Variants in RNF24 observed in about 807,000 individuals in gnomAD.
RNF24 encodes ring finger protein 24.
RNF24 carries 14 observed loss-of-function variants against 20.0 expected under a neutral mutation model. The observed-to-expected ratio is 0.70, with a 90% CI of 0.46 to 1.10. The LOEUF is 1.10. Among genes scored for constraint, RNF24 ranks in the 50% least tolerant of loss-of-function variants. The probability of loss-of-function intolerance (pLI) is 0.00; values close to 1 mark genes in which losing one functional copy is unlikely to be tolerated. For missense variants in RNF24, 124 were observed against 177.6 expected (o/e 0.70, Z 1.71); for synonymous variants, 45 against 61.1 (o/e 0.74, Z 1.23).
intron 1 of RNF24, among the ~76,000 whole-genome samples, chr20:3,995,588 A>G (rs1441894650): frequency 1.3e-5 from 2 of 152,220 alleles, no homozygotes; most frequent in East Asian, 3.8e-4. Flanking sequence ...ATGAATCAGC[A>G]AAGTGTGCAG....
chr20:3,959,240 A>T (rs996677343), intron 2 of RNF24, among the ~76,000 whole-genome samples: 1 of 152,142 alleles, frequency 6.6e-6, no homozygotes, highest in Non-Finnish European at 1.5e-5. Flanking sequence ...TTCATTTTCT[A>T]TCTCTCGGAA....
intron 2 of RNF24, among the ~76,000 whole-genome samples, chr20:3,960,536 C>T (rs1013180639): frequency 2.6e-5 from 4 of 151,888 alleles, no homozygotes; most frequent in African/African-American, 9.7e-5. Flanking sequence ...GGCGTGGTGG[C>T]GTGCGCCTGT....
intron 1 of RNF24, among the ~76,000 whole-genome samples, chr20:4,011,887 T>C (rs1462264312): frequency 6.6e-6 from 1 of 152,122 alleles, no homozygotes; most frequent in Non-Finnish European, 1.5e-5. Context: ...CCACAGAGAA[T>C]ATCCAAAAGT....
chr20:3,931,778 G>A lies in RNF24; in HGVS notation c.*2285C>T, dbSNP rs6139246. The A allele has an allele frequency of 6.6e-6, 1 of 152,388 alleles. No homozygotes were observed. Among genetic ancestry groups the A allele is most frequent in the African/African-American group, 2.4e-5 (1 of 41,588 alleles). The allele number at this position is 152,388 out of a possible 1,614,324, so 9.4% of individuals were successfully genotyped here. On this transcript the variant is annotated 3_prime_UTR_variant, in exon 6 of 6. Transcript: ENST00000358395. ...CCTCATCTGGGCAAAGCAGACCCAA[G>A]GTGGTGCTGAGTGCAGAGTGCAGAG...
Position 3,976,158 on chromosome 20 carries a change from C to G in RNF24, c.-7-12134G>C, listed in dbSNP as rs1454306629. On this transcript the variant is annotated intron_variant, in intron 1 of 5. Transcript: ENST00000358395. ...ATAGATTTTCTGTTGTTTTAAGGCA[C>G]CCAGTTTATGGCACGTTGTTAAGGC... Among the ~76,000 whole-genome samples the G allele has an allele frequency of 2.6e-5, 4 of 152,108 alleles. No individual in the cohort carries two copies. In the South Asian group the frequency reaches 6.2e-4, roughly 24 times the overall value.
rs1981597994 is a variant in RNF24, at chr20:4,003,633, C to CATTT, written c.-8+11803_-8+11804insAAAT. Among the ~76,000 whole-genome samples the CATTT allele has an allele frequency of 3.6e-5, 3 of 84,426 alleles. 1 individual carries two copies. Among genetic ancestry groups the CATTT allele is most frequent in the Non-Finnish European group, 6.3e-5 (3 of 47,736 alleles). 55.4% of individuals were successfully genotyped at this position (84,426 alleles called of 152,430 possible). A position where few individuals can be genotyped will look rare whatever the true frequency, so the allele number is the denominator to read the frequency against. ...TTTTGAAGGCCCATGTTAGAAACTC[C>CATTT]TTTTTTTTTTTTTTTTTTTTTTTTT... On this transcript the variant is annotated intron_variant, in intron 1 of 5. Coordinates refer to ENST00000358395, the MANE Select transcript of RNF24 (RefSeq NM_001134337.3).
chr20:3,941,317 T>C (rs241623), intron 4 of RNF24, among the ~76,000 whole-genome samples: 67,697 of 151,996 alleles, frequency 0.45, 15,671 homozygotes, highest in African/African-American at 0.55. Flanking sequence ...AGACATATAA[T>C]GATGGGATTT....
chr20:3,973,983 A>T (rs1373759349), intron 1 of RNF24, among the ~76,000 whole-genome samples: 1 of 152,126 alleles, frequency 6.6e-6, no homozygotes, highest in Non-Finnish European at 1.5e-5. Flanking sequence ...AGCAAGTAGA[A>T]TTTGGCAATA....
intron 1 of RNF24, among the ~76,000 whole-genome samples, chr20:3,964,469 T>G (rs186076054): frequency 2.0e-5 from 3 of 152,292 alleles, no homozygotes; most frequent in African/African-American, 7.2e-5. Context: ...GAAATATGAT[T>G]AATTATATAG....
intron 1 of RNF24, among the ~76,000 whole-genome samples, chr20:3,973,575 C>T (rs939462760): frequency 6.8e-5 from 10 of 146,262 alleles, no homozygotes; most frequent in African/African-American, 2.5e-4. Context: ...GAGATCACTA[C>T]AGACACTGCA....
At chr20:3,952,841 G>T (rs1179644048) in intron 2 of RNF24, among the ~76,000 whole-genome samples, 1 of 152,178 alleles carries the variant, frequency 6.6e-6, no homozygotes, top group East Asian at 1.9e-4. Flanking sequence ...CTTTTCAAAT[G>T]TTAAAATAAC....
intron 1 of RNF24, among the ~76,000 whole-genome samples, chr20:3,985,833 G>A (rs1979847531): frequency 1.3e-5 from 2 of 151,874 alleles, no homozygotes; most frequent in South Asian, 4.1e-4. Context: ...CGCCTCCTGG[G>A]TTCAAGCGAA....
In RNF24 at chr20:3,964,038, A is replaced by C; in HGVS notation, c.-7-14T>G. On this transcript the variant is annotated splice_polypyrimidine_tract_variant and intron_variant, in intron 1 of 5. Coordinates refer to ENST00000358395, the MANE Select transcript of RNF24 (RefSeq NM_001134337.3). ...CTCATGGATGAACTGTGGGGGAAGA[A>C]AAGAATGGAAAAAAAATAGGTAAAG... 6.2e-7 allele frequency: 1 copy of C among 1,608,628 alleles called. No individual in the cohort carries two copies.
Position 3,956,270 on chromosome 20 carries a change from T to A in RNF24, c.143+7605A>T, listed in dbSNP as rs140408918. On this transcript the variant is annotated intron_variant, in intron 2 of 5. Transcript: ENST00000358395. ...ATGTTAAGTTGTGTGTGTGTTTTTT[T>A]TTTTTTAATAAATGCCCTTTCTTGT... 1.6e-4 allele frequency among the ~76,000 whole-genome samples: 25 copies of A among 151,752 alleles called. No homozygotes were observed. In the East Asian group the frequency reaches 4.8e-3, roughly 29 times the overall value.
intron 1 of RNF24, among the ~76,000 whole-genome samples, chr20:3,971,683 C>G (rs1232281639): frequency 6.6e-6 from 1 of 152,038 alleles, no homozygotes; most frequent in Admixed American, 6.6e-5. Context: ...ATGCCTACAG[C>G]AATCAGTAAG....
intron 1 of RNF24, among the ~76,000 whole-genome samples, chr20:3,964,724 C>T (rs536856652): frequency 4.6e-4 from 70 of 152,230 alleles, no homozygotes; most frequent in Non-Finnish European, 9.6e-4. Flanking sequence ...TAGCATGTTG[C>T]CTAGGCTGGT....
At chr20:3,983,013 T>C (rs535016995) in intron 1 of RNF24, among the ~76,000 whole-genome samples, 1 of 152,220 alleles carries the variant, frequency 6.6e-6, no homozygotes, top group East Asian at 1.9e-4. Context: ...AGACCCCTTT[T>C]GTGTTTGTTT....
intron 1 of RNF24, among the ~76,000 whole-genome samples, chr20:3,969,496 C>T (rs1291986170): frequency 7.3e-6 from 1 of 137,210 alleles, no homozygotes; most frequent in Non-Finnish European, 1.6e-5. Flanking sequence ...AGAATGTCAA[C>T]AGGTGAAGAC....
intron 4 of RNF24, among the ~76,000 whole-genome samples, chr20:3,939,405 T>C (rs1330962951): frequency 6.6e-6 from 1 of 152,218 alleles, no homozygotes; most frequent in Non-Finnish European, 1.5e-5. Context: ...AATTTATTCT[T>C]TTGCATGTAG....
Sources: gnomAD v4.1 joint callset for allele counts (sites outside exome capture counted in the v4.1 genomes callset) on GRCh38, gnomAD v4.1.1 for gene constraint, MANE v1.5 for transcripts, NCBI Gene and HGNC (gene_info 2026-07-23, HGNC 2026-07-21) for gene names.